PCDHGA2: variants seen among roughly 807,000 people sequenced by gnomAD.
The protein encoded by PCDHGA2 is protocadherin gamma subfamily A, 2, also known as protocadherin gamma-A2.
Under a neutral mutation model 59.2 loss-of-function variants are expected in PCDHGA2, and 40 were observed. The ratio of observed to expected loss-of-function variants is 0.68; its 90% CI spans 0.52 to 0.88. The LOEUF (loss-of-function observed/expected upper bound fraction) is 0.88. Ranked by LOEUF, PCDHGA2 falls within the 40% of genes least tolerant of loss-of-function variation. PCDHGA2 has a pLI of 0.00. For missense variants in PCDHGA2, 1,226 were observed against 1,204.0 expected (o/e 1.02, Z -0.27); for synonymous variants, 560 against 526.0 (o/e 1.06, Z -0.89).
chr5:141,361,159 G>A (rs776154088), intron 1 of PCDHGA2: 55 of 1,613,798 alleles, frequency 3.4e-5, no homozygotes, highest in Non-Finnish European at 3.1e-5. Context: ...TGATGACAAC[G>A]ATTGTGCACC....
chr5:141,370,407 T>C lies in PCDHGA2; in HGVS notation c.2424+29012T>C. 4 of 1,561,028 alleles carry C rather than the reference T, an allele frequency of 2.6e-6. No individual in the cohort carries two copies. The Admixed American group carries it at 5.9e-5, about 23-fold the overall frequency. ...CGCAGAGAGCGGGATGGGAAATAGCTCCGGATGGAGGGGCCCAGCAGGGCA... is the reference window on the plus strand; with the variant it reads ...CGCAGAGAGCGGGATGGGAAATAGCCCCGGATGGAGGGGCCCAGCAGGGCA... On this transcript the variant is annotated intron_variant, in intron 1 of 3. Transcript: ENST00000394576.
In PCDHGA2 at chr5:141,466,692, A is replaced by G. The variant is rs185786515; in HGVS notation, c.2425-28115A>G. Among the ~76,000 whole-genome samples the G allele has an allele frequency of 3.0e-4, 46 of 152,280 alleles. 1 individual carries two copies. The highest frequency in any genetic ancestry group is 1.0e-3 in the African/African-American group (43 of 41,558). On this transcript the variant is annotated intron_variant, in intron 1 of 3. Coordinates refer to ENST00000394576, the MANE Select transcript of PCDHGA2 (RefSeq NM_018915.4). ...ACCGTTCTTCCACTCAAGCTTCATCATAAATTTGATGTCTGTTCTTGTTTC... is the reference window on the plus strand; with the variant it reads ...ACCGTTCTTCCACTCAAGCTTCATCGTAAATTTGATGTCTGTTCTTGTTTC...
Position 141,339,606 on chromosome 5 carries a change from T to C in PCDHGA2, c.635T>C (p.Leu212Pro), listed in dbSNP as rs150493844. The change falls in exon 1 of 4, where the codon CTC becomes CCC. Residue 212 changes from leucine to proline, a missense_variant. Leu to Pro is a moderately conservative substitution (Grantham distance 98). Transcript: ENST00000394576. ...GAAGAGGCTGTTCACCACCTCGTTCTCGTGGCTTCTGATGGGGGTGACCCA... is the reference window on the plus strand; with the variant it reads ...GAAGAGGCTGTTCACCACCTCGTTCCCGTGGCTTCTGATGGGGGTGACCCA... ...REEEAVHHLVLVASDGGDPVL... is the reference protein window; with the variant it reads ...REEEAVHHLVPVASDGGDPVL... 10 of 1,614,098 alleles carry C rather than the reference T, an allele frequency of 6.2e-6. No homozygotes were observed. The African/African-American group carries it at 1.3e-4, about 22-fold the overall frequency.
intron 1 of PCDHGA2, chr5:141,393,785 G>A (rs753963995): frequency 6.2e-7 from 1 of 1,613,922 alleles, no homozygotes; most frequent in Non-Finnish European, 8.5e-7. Context: ...CCGAAGATGT[G>A]GGGGCACTTC....
At chr5:141,362,375 C>T (rs755032384) in intron 1 of PCDHGA2, 5 of 1,613,922 alleles carry the variant, frequency 3.1e-6, no homozygotes, top group Admixed American at 1.7e-5. Context: ...AGTGAGGGTA[C>T]ATTGCCCTAT....
At chr5:141,482,458 C>T (rs986628162) in intron 1 of PCDHGA2, among the ~76,000 whole-genome samples, 1 of 147,624 alleles carries the variant, frequency 6.8e-6, no homozygotes, top group Non-Finnish European at 1.5e-5. Context: ...ATTAGCATCC[C>T]TATGTGCCAG....
At chr5:141,395,222 AG>A (rs2093199234) in intron 1 of PCDHGA2, 1 of 1,611,488 alleles carries the variant, frequency 6.2e-7, no homozygotes, top group African/African-American at 1.3e-5. Context: ...ATAAGAATGA[AG>A]CTGATCATGG....
At chr5:141,370,362 CGGATTTA>C in intron 1 of PCDHGA2, 2 of 1,517,790 alleles carry the variant, frequency 1.3e-6, no homozygotes, top group Non-Finnish European at 1.8e-6. Flanking sequence ...CTCCTCTCCT[CGGATTTA>C]GAAAGGCAAA....
At chr5:141,388,348 G>A in intron 1 of PCDHGA2, 1 of 1,613,974 alleles carries the variant, frequency 6.2e-7, no homozygotes, top group South Asian at 1.1e-5. Flanking sequence ...TTTATATTAG[G>A]ATCTGCCCAT....
chr5:141,457,422 TC>T (rs1038085994), intron 1 of PCDHGA2, among the ~76,000 whole-genome samples: 1 of 151,626 alleles, frequency 6.6e-6, no homozygotes, highest in African/African-American at 2.4e-5. Context: ...CATCCCTTTT[TC>T]CCCCCCACCA....
Position 141,432,390 on chromosome 5 carries a change from G to A in PCDHGA2, c.2425-62417G>A. The A allele has an allele frequency of 6.2e-7, 1 of 1,614,256 alleles. No homozygotes were observed. The highest frequency in any genetic ancestry group is 8.5e-7 in the Non-Finnish European group (1 of 1,180,046). On this transcript the variant is annotated intron_variant, in intron 1 of 3. Transcript: ENST00000394576. This position sits in a 1 kb window ranked among gnomAD's most constrained non-coding sequence, Gnocchi z 6.0. ...GACAACGGGCACCCGCCCCTCAGCA[G>A]CAACGTGTCGTTGAGCCTGTTCGTG... is the stretch of plus-strand genomic sequence containing the variant.
intron 1 of PCDHGA2, chr5:141,371,772 C>A (rs1169459102): frequency 6.2e-7 from 1 of 1,614,022 alleles, no homozygotes; most frequent in Admixed American, 1.7e-5. Context: ...CTACACCGTG[C>A]ATGTAGCTGA....
chr5:141,353,507 A>C (rs1448404688), intron 1 of PCDHGA2, among the ~76,000 whole-genome samples: 1 of 152,208 alleles, frequency 6.6e-6, no homozygotes, highest in Non-Finnish European at 1.5e-5. Flanking sequence ...CACAAGTAGC[A>C]AATATTGTCC....
At chr5:141,398,955 A>G in intron 1 of PCDHGA2, 6 of 1,613,966 alleles carry the variant, frequency 3.7e-6, no homozygotes, top group Non-Finnish European at 5.1e-6. Context: ...TCAACTCAGA[A>G]ATTACTTATT....
At chr5:141,443,317 C>CAA (rs35054295) in intron 1 of PCDHGA2, among the ~76,000 whole-genome samples, 2,546 of 141,926 alleles carry the variant, frequency 0.018, 55 homozygotes, top group African/African-American at 0.052. Flanking sequence ...CCCATCTCTA[C>CAA]AAAAAAAAAA....
Position 141,506,445 on chromosome 5 carries a change from A to T in PCDHGA2, c.2572+964A>T, listed in dbSNP as rs1018306383. 3.8e-3 allele frequency among the ~76,000 whole-genome samples: 112 copies of T among 29,226 alleles called. No individual in the cohort carries two copies. The Middle Eastern group carries it at 0.08, about 21-fold the overall frequency. The allele number at this position is 29,226 out of a possible 152,430, so 19.2% of individuals were successfully genotyped here. ...CTGGGCAACAGTCTCGCTCTGTCTC[A>T]AAAAAAAAAAAAAAAAAAAAGAGCA... On this transcript the variant is annotated intron_variant, in intron 3 of 3. Transcript: ENST00000394576.
intron 1 of PCDHGA2, chr5:141,352,314 A>G (rs1758977445): frequency 2.5e-6 from 4 of 1,613,920 alleles, no homozygotes; most frequent in Non-Finnish European, 3.4e-6. Flanking sequence ...ACGGAACTGC[A>G]GTTTTACCTG....
chr5:141,384,940 T>A lies in PCDHGA2; in HGVS notation c.2424+43545T>A, dbSNP rs781038163. The A allele has an allele frequency of 1.2e-6, 2 of 1,613,942 alleles. No individual in the cohort carries two copies. The highest frequency in any genetic ancestry group is 1.7e-6 in the Non-Finnish European group (2 of 1,179,994). ...GGCCGACCTGGGCAGCCTTGAGCCCTCCGACGGTCCTTACAACTATGACCT... is the reference window on the plus strand; with the variant it reads ...GGCCGACCTGGGCAGCCTTGAGCCCACCGACGGTCCTTACAACTATGACCT... On this transcript the variant is annotated intron_variant, in intron 1 of 3. Coordinates refer to ENST00000394576, the MANE Select transcript of PCDHGA2 (RefSeq NM_018915.4).
chr5:141,353,718 G>T (rs1759367007), intron 1 of PCDHGA2, among the ~76,000 whole-genome samples: 1 of 152,128 alleles, frequency 6.6e-6, no homozygotes, highest in Non-Finnish European at 1.5e-5. Context: ...CTTTAGTGTA[G>T]ATTTCTGAGG....
Sources: gnomAD v4.1 joint callset for allele counts (sites outside exome capture counted in the v4.1 genomes callset) on GRCh38, gnomAD v4.1.1 for gene constraint, Gnocchi (gnomAD v3.1) non-coding constraint, MANE v1.5 for transcripts, NCBI Gene and HGNC (gene_info 2026-07-23, HGNC 2026-07-21) for gene names.